SQOR: variants seen among roughly 807,000 people sequenced by gnomAD.
SQOR encodes the protein sulfide quinone oxidoreductase.
SQOR carries 39 observed loss-of-function variants against 48.6 expected under a neutral mutation model. The observed-to-expected ratio is 0.80, with a 90% CI of 0.62 to 1.05. The LOEUF (loss-of-function observed/expected upper bound fraction) is 1.05. Ranked by LOEUF, SQOR falls within the 50% of genes least tolerant of loss-of-function variation. The pLI is 0.00. For synonymous variants in SQOR, 220 were observed against 206.2 expected (o/e 1.07, Z -0.57); for missense variants, 561 against 559.9 (o/e 1.00, Z -0.02).
intron 1 of SQOR, among the ~76,000 whole-genome samples, chr15:45,637,087 T>G (rs539953535): frequency 1.3e-5 from 2 of 152,180 alleles, no homozygotes; most frequent in Admixed American, 6.6e-5. Flanking sequence ...GTTCGAGTGA[T>G]TCGCCTGCCT....
chr15:45,637,107 T>C (rs1895019920), intron 1 of SQOR, among the ~76,000 whole-genome samples: 1 of 151,784 alleles, frequency 6.6e-6, no homozygotes, highest in Non-Finnish European at 1.5e-5. Flanking sequence ...TCAGCATCCC[T>C]AGTAGCTGGG....
intron 9 of SQOR, among the ~76,000 whole-genome samples, chr15:45,689,652 T>C (rs2140965604): frequency 6.6e-6 from 1 of 152,134 alleles, no homozygotes; most frequent in African/African-American, 2.4e-5. Flanking sequence ...ACTCCCAACC[T>C]CAAGTGATCC....
intron 7 of SQOR, 36 bp from the exon 8 acceptor site, chr15:45,688,301 G>A: frequency 6.8e-7 from 1 of 1,473,332 alleles, no homozygotes; most frequent in Middle Eastern, 1.7e-4. Context: ...AAACCTTGAT[G>A]CTTACATTTT....
At chr15:45,635,171 G>GCGACCACCAC in intron 1 of SQOR, 63 bp downstream of exon 1, 1 of 152,488 alleles carries the variant, frequency 6.6e-6, no homozygotes, top group East Asian at 1.9e-4. Context: ...GGCGGGGACA[G>GCGACCACCAC]CGACCACCAC....
chr15:45,649,790 T>C (rs1023939929), intron 1 of SQOR, among the ~76,000 whole-genome samples: 1 of 150,138 alleles, frequency 6.7e-6, no homozygotes, highest in Non-Finnish European at 1.5e-5. Context: ...GCCTCATTTT[T>C]TAAGAATTGC....
intron 1 of SQOR, among the ~76,000 whole-genome samples, chr15:45,642,606 TCCCAGAGCGCTAGACTG>T (rs1240346634): frequency 6.6e-6 from 1 of 152,134 alleles, no homozygotes; most frequent in Non-Finnish European, 1.5e-5. Flanking sequence ...TTCTCCCTCT[TCCCAGAGCGCTAGACTG>T]CCCTCCTTTA....
intron 9 of SQOR, among the ~76,000 whole-genome samples, chr15:45,690,598 C>G (rs1313163664): frequency 2.0e-5 from 3 of 152,144 alleles, no homozygotes; most frequent in Non-Finnish European, 2.9e-5. Context: ...TCCTATAATG[C>G]CAGGTCAGCC....
chr15:45,659,613 T>C (rs111480616), intron 2 of SQOR, among the ~76,000 whole-genome samples: 2,402 of 152,246 alleles, frequency 0.016, 70 homozygotes, highest in African/African-American at 0.056. Flanking sequence ...CTCTGGCTTG[T>C]AGCTGTGCCA....
At chr15:45,643,675 G>A (rs1017028530) in intron 1 of SQOR, among the ~76,000 whole-genome samples, 15 of 152,166 alleles carry the variant, frequency 9.9e-5, no homozygotes, top group Admixed American at 8.5e-4. Context: ...CTGATTTTCA[G>A]TTCTGCAAAC....
At position 45,676,103 on chromosome 15, in the gene SQOR, A is replaced by G. The variant is rs1890030850; in HGVS notation, c.657A>G (p.Thr219=). ...MYLSEAYFRK[T]GKRSKANIIF... The stretch of plus-strand genomic sequence containing the variant: ...AATGGTTTTCTTATTTTTCTCAGAC[A>G]GGGAAGCGATCCAAGGCCAATATCA... Residue 219 remains threonine (T), a splice_region_variant and synonymous_variant, in exon 6 of 10, where the codon ACA becomes ACG. Coordinates refer to ENST00000260324, the MANE Select transcript of SQOR (RefSeq NM_021199.4). 6.2e-7 allele frequency: 1 copy of G among 1,612,364 alleles called. No homozygotes were observed.
chr15:45,649,920 G>A (rs1412075007), intron 1 of SQOR, among the ~76,000 whole-genome samples: 1 of 152,094 alleles, frequency 6.6e-6, no homozygotes, highest in African/African-American at 2.4e-5. Flanking sequence ...TCAGCTCACT[G>A]CAACCTCTGC....
At chr15:45,632,186 C>G (rs1894908166), upstream of SQOR, among the ~76,000 whole-genome samples, 1 of 131,392 alleles carries the variant, frequency 7.6e-6, no homozygotes, top group South Asian at 2.8e-4. Context: ...ATTTCCCTCC[C>G]CCTCCCCTCC....
At chr15:45,672,602 T>C (rs1387623678) in intron 4 of SQOR, among the ~76,000 whole-genome samples, 8 of 152,180 alleles carry the variant, frequency 5.3e-5, no homozygotes, top group African/African-American at 2.4e-5. Context: ...CCAGGCCATC[T>C]TGATGACTGT....
upstream of SQOR, chr15:45,631,749 T>C (rs1013734718): frequency 6.6e-6 from 1 of 152,366 alleles, no homozygotes; most frequent in Non-Finnish European, 1.5e-5. Context: ...TTTGGATTTA[T>C]TTTCCTTCTC....
chr15:45,638,352 G>A (rs1343641404), intron 1 of SQOR, among the ~76,000 whole-genome samples: 1 of 152,166 alleles, frequency 6.6e-6, no homozygotes, highest in Non-Finnish European at 1.5e-5. Context: ...AGCTACTTGG[G>A]AGGCTGAGGT....
At chr15:45,669,505 G>A (rs546052081) in intron 3 of SQOR, among the ~76,000 whole-genome samples, 1 of 152,258 alleles carries the variant, frequency 6.6e-6, no homozygotes, top group African/African-American at 2.4e-5. Flanking sequence ...TTTAAGATTA[G>A]GAAGCCCTTC....
At chr15:45,661,389 G>A (rs1165565303) in intron 2 of SQOR, among the ~76,000 whole-genome samples, 2 of 151,606 alleles carry the variant, frequency 1.3e-5, no homozygotes, top group Admixed American at 1.3e-4. Flanking sequence ...GTAGGATCTG[G>A]TACTTATTGT....
At chr15:45,678,103 G>A (rs2140958862) in intron 6 of SQOR, among the ~76,000 whole-genome samples, 1 of 152,284 alleles carries the variant, frequency 6.6e-6, no homozygotes, top group Middle Eastern at 3.4e-3. Flanking sequence ...CCCTTCATTG[G>A]TGATGTTAAT....
At chr15:45,636,683 T>C (rs951978444) in intron 1 of SQOR, among the ~76,000 whole-genome samples, 22 of 152,314 alleles carry the variant, frequency 1.4e-4, no homozygotes, top group African/African-American at 5.3e-4. Flanking sequence ...ATTACAGGCA[T>C]GAGCCACTGC....
Sources: gnomAD v4.1 joint callset for allele counts (sites outside exome capture counted in the v4.1 genomes callset) on GRCh38, gnomAD v4.1.1 for gene constraint, MANE v1.5 for transcripts, NCBI Gene and HGNC (gene_info 2026-07-23, HGNC 2026-07-21) for gene names.